The following ZDHHC9 variants were observed in gnomAD, a reference collection of about 807,000 sequenced individuals.
ZDHHC9 encodes zDHHC palmitoyltransferase 9, also known as palmitoyltransferase ZDHHC9.
In ZDHHC9, 3 loss-of-function variants were observed where a neutral mutation model predicts 26.6. The ratio of observed to expected loss-of-function variants is 0.11; its 90% CI spans 0.05 to 0.29. The LOEUF (loss-of-function observed/expected upper bound fraction) is 0.29. Ranked by LOEUF, ZDHHC9 falls within the 10% of genes least tolerant of loss-of-function variation. The probability of loss-of-function intolerance (pLI) is 1.00; values close to 1 mark genes in which losing one functional copy is unlikely to be tolerated. For synonymous variants in ZDHHC9, 111 were observed against 109.4 expected (o/e 1.01, Z -0.09); for missense variants, 146 against 296.4 (o/e 0.49, Z 3.73).
chrX:129,807,007 T>C (rs1297860108), intron 10 of ZDHHC9, among the ~76,000 whole-genome samples: 2 of 112,383 alleles, frequency 1.8e-5, no homozygotes, highest in Non-Finnish European at 3.8e-5. Context: ...TTGTTACAAT[T>C]TGAGTCCAGA....
intron 4 of ZDHHC9, among the ~76,000 whole-genome samples, chrX:129,827,978 G>A (rs1396187990): frequency 9.0e-6 from 1 of 110,952 alleles, no homozygotes; most frequent in Non-Finnish European, 1.9e-5. Context: ...CACCATGCCC[G>A]GCTAATTTTT....
At chrX:129,840,866 C>T (rs1461295154) in intron 3 of ZDHHC9, among the ~76,000 whole-genome samples, 4 of 110,589 alleles carry the variant, frequency 3.6e-5, no homozygotes, top group Non-Finnish European at 7.6e-5. Context: ...TCCTACCTCC[C>T]ATGGACACAC....
chrX:129,827,352 G>T (rs944883345), intron 4 of ZDHHC9, among the ~76,000 whole-genome samples: 6 of 110,494 alleles, frequency 5.4e-5, no homozygotes, highest in African/African-American at 2.0e-4. Flanking sequence ...TCAAAGCACC[G>T]TCAAAGAACT....
At chrX:129,809,322 A>C (rs1339006487) in intron 10 of ZDHHC9, among the ~76,000 whole-genome samples, 5 of 112,569 alleles carry the variant, frequency 4.4e-5, no homozygotes, top group African/African-American at 1.6e-4. Flanking sequence ...CCAAATGTCC[A>C]TCAACTGATG....
chrX:129,814,903 A>C, intron 5 of ZDHHC9, 108 bp from the exon 6 acceptor site: 3 of 874,712 alleles, frequency 3.4e-6, no homozygotes, highest in Non-Finnish European at 4.8e-6. Context: ...TGTCTATTTC[A>C]GTTGTAAAAA....
chrX:129,831,949 A>T (rs1217473683), intron 3 of ZDHHC9, among the ~76,000 whole-genome samples: 1 of 111,249 alleles, frequency 9.0e-6, no homozygotes, highest in Non-Finnish European at 1.9e-5. Flanking sequence ...GAATAAGTTC[A>T]TGAGATCTAT....
At chrX:129,828,418 C>T (rs1928068987) in intron 4 of ZDHHC9, among the ~76,000 whole-genome samples, 1 of 109,307 alleles carries the variant, frequency 9.1e-6, no homozygotes, top group Non-Finnish European at 1.9e-5. Flanking sequence ...GTCAGGAGAT[C>T]GAGACCATCC....
chrX:129,814,696 A>G lies in ZDHHC9; in HGVS notation c.587T>C (p.Ile196Thr). Residue 196 changes from isoleucine (I) to threonine (T), a missense_variant, in exon 6 of 11, where the codon ATC becomes ACC. Ile to Thr is a moderately conservative substitution (Grantham distance 89). Transcript: ENST00000357166. The stretch of plus-strand genomic sequence containing the variant: ...GACGATGTTGAAGGCGAAGACATAG[A>G]TTGTGAGGAGGGAGAGAGAAAGGAT... ...LFILSLSLLT[I>T]YVFAFNIVYV... The G allele has an allele frequency of 3.3e-6, 4 of 1,211,237 alleles. No individual in the cohort carries two copies. The highest frequency in any genetic ancestry group is 4.5e-6 in the Non-Finnish European group (4 of 895,349).
chrX:129,807,455 A>G (rs1269403990), intron 10 of ZDHHC9, among the ~76,000 whole-genome samples: 11 of 89,946 alleles, frequency 1.2e-4, no homozygotes, highest in Admixed American at 8.0e-4. Flanking sequence ...TCCGTCTCAG[A>G]AAAAAAAAAA....
chrX:129,819,172 C>CAAAAAAA lies in ZDHHC9; in HGVS notation c.488-4384_488-4378dup, dbSNP rs10555509. ...TGGGAGAGAGAGACAGCCTCCGTCT[C>CAAAAAAA]AAAAAAAAAAAAAAAAAAAAAAAAA... On this transcript the variant is annotated intron_variant, in intron 5 of 10. Transcript: ENST00000357166. 5.3e-3 allele frequency among the ~76,000 whole-genome samples: 192 copies of CAAAAAAA among 36,076 alleles called. 9 individuals are homozygous for CAAAAAAA. The highest frequency in any genetic ancestry group is 0.02 in the African/African-American group (176 of 8,792). 31.3% of individuals were successfully genotyped at this position (36,076 alleles called of 115,157 possible). A position where few individuals can be genotyped will look rare whatever the true frequency, so the allele number is the denominator to read the frequency against.
intron 7 of ZDHHC9, among the ~76,000 whole-genome samples, 163 bp downstream of exon 7, chrX:129,813,514 C>T (rs1483499615): frequency 1.8e-5 from 2 of 112,130 alleles, no homozygotes; most frequent in Non-Finnish European, 3.8e-5. Context: ...CGGTCATCTT[C>T]CATTCTGGTT....
chrX:129,814,799 T>A lies in ZDHHC9; in HGVS notation c.488-4A>T. On this transcript the variant is annotated splice_polypyrimidine_tract_variant and splice_region_variant and intron_variant, in intron 5 of 10. Transcript: ENST00000357166. Reference sequence around the variant, plus strand: ...GGGCAGTGATGGTCGAAGCGCTCTGTGGGAGAAAGAGAGAGTCCAAAGCCA... The same window carrying A: ...GGGCAGTGATGGTCGAAGCGCTCTGAGGGAGAAAGAGAGAGTCCAAAGCCA... 8.3e-7 allele frequency: 1 copy of A among 1,211,159 alleles called. No homozygotes were observed. Among genetic ancestry groups the A allele is most frequent in the Non-Finnish European group, 1.1e-6 (1 of 895,243 alleles).
intron 3 of ZDHHC9, 119 bp from the exon 4 acceptor site, chrX:129,829,260 C>T: frequency 1.2e-6 from 1 of 831,802 alleles, no homozygotes; most frequent in Non-Finnish European, 1.7e-6. Context: ...GGGCAGGGAC[C>T]ATGTTTCTTC....
chrX:129,825,173 C>T (rs748577056), intron 4 of ZDHHC9, among the ~76,000 whole-genome samples: 19 of 110,860 alleles, frequency 1.7e-4, no homozygotes, highest in South Asian at 3.8e-4. Context: ...CATGGTGGCA[C>T]GCATCTGTAA....
intron 5 of ZDHHC9, 66 bp from the exon 6 acceptor site, chrX:129,814,861 A>G: frequency 9.0e-7 from 1 of 1,112,426 alleles, no homozygotes; most frequent in East Asian, 3.0e-5. Context: ...CACCATCCCT[A>G]TAATACCTAA....
intron 4 of ZDHHC9, among the ~76,000 whole-genome samples, chrX:129,826,629 C>G (rs1928021999): frequency 9.0e-6 from 1 of 110,966 alleles, no homozygotes; most frequent in Non-Finnish European, 1.9e-5. Flanking sequence ...AAAGAATAAT[C>G]CAGATGGAGA....
intron 5 of ZDHHC9, chrX:129,822,914 C>T: frequency 9.0e-6 from 1 of 111,481 alleles, no homozygotes; most frequent in East Asian, 2.8e-4. Flanking sequence ...CACATATAGG[C>T]CTATCAACAG....
rs1927462235 is a variant in ZDHHC9 at position 129,804,357 on chromosome X, A to AGT, written c.*2012_*2013insAC. The AGT allele has an allele frequency of 9.0e-6, 1 of 111,151 alleles. No homozygotes were observed. The highest frequency in any genetic ancestry group is 3.3e-5 in the African/African-American group (1 of 30,492). The allele number at this position is 111,151 out of a possible 1,213,427, so 9.2% of individuals were successfully genotyped here. A position where few individuals can be genotyped will look rare whatever the true frequency, so the allele number is the denominator to read the frequency against. On this transcript the variant is annotated 3_prime_UTR_variant, in exon 11 of 11. Coordinates refer to ENST00000357166, the MANE Select transcript of ZDHHC9 (RefSeq NM_016032.4). Reference sequence around the variant, plus strand: ...GTCAGTCTCTCCCCATCTCTCTTCCAATCTCTCTCTCTCTCTCTCTCTCAA... The same window carrying AGT: ...GTCAGTCTCTCCCCATCTCTCTTCCAGTATCTCTCTCTCTCTCTCTCTCTCAA...
In ZDHHC9 at chrX:129,804,668, T is replaced by C. The variant is rs1236112804; in HGVS notation, c.*1702A>G. ...AAACAATATCCTAATATAGAGCTTG[T>C]TCTCTTAAGTAAATATAATCCCTCT... On this transcript the variant is annotated 3_prime_UTR_variant, in exon 11 of 11. Coordinates refer to ENST00000357166, the MANE Select transcript of ZDHHC9 (RefSeq NM_016032.4). 2 of 112,089 alleles carry C rather than the reference T, an allele frequency of 1.8e-5. No individual in the cohort carries two copies. The highest frequency in any genetic ancestry group is 6.5e-5 in the African/African-American group (2 of 30,841). The allele number at this position is 112,089 out of a possible 1,213,427, so 9.2% of individuals were successfully genotyped here. A position where few individuals can be genotyped will look rare whatever the true frequency, so the allele number is the denominator to read the frequency against.
Sources: allele counts gnomAD v4.1 joint callset (sites outside exome capture counted in the v4.1 genomes callset), GRCh38; gene constraint gnomAD v4.1.1; transcripts MANE v1.5; gene names NCBI Gene and HGNC (gene_info 2026-07-23, HGNC 2026-07-21).